The following COL11A2 variants were observed in gnomAD, a reference collection of about 807,000 sequenced individuals.
COL11A2 encodes the protein collagen type XI alpha 2 chain.
Under a neutral mutation model 273.4 loss-of-function variants are expected in COL11A2, and 116 were observed. The observed-to-expected ratio is 0.42, with a 90% CI of 0.36 to 0.49. The LOEUF (loss-of-function observed/expected upper bound fraction) is 0.49, where lower values mean the gene tolerates loss of function less well. Ranked by LOEUF, COL11A2 falls within the 20% of genes least tolerant of loss-of-function variation. The pLI, the probability that COL11A2 is intolerant of heterozygous loss-of-function variation, is 0.00. For missense variants in COL11A2, 1,866 were observed against 2,309.0 expected (o/e 0.81, Z 3.93); for synonymous variants, 782 against 864.2 (o/e 0.90, Z 1.67).
chr6:33,179,501 G>T lies in COL11A2; in HGVS notation c.1447-14C>A. 6.4e-7 allele frequency: 1 copy of T among 1,555,514 alleles called. No homozygotes were observed. The highest frequency in any genetic ancestry group is 2.4e-5 in the East Asian group (1 of 41,746). On this transcript the variant is annotated splice_polypyrimidine_tract_variant and intron_variant, in intron 13 of 65. Coordinates refer to ENST00000341947, the MANE Select transcript of COL11A2 (RefSeq NM_080680.3). This position sits in a 1 kb window ranked among gnomAD's most constrained non-coding sequence, Gnocchi z 6.4. ...ACGGAGCGCCAGCTAGGGGAGCAGG[G>T]GGACAGCAGAGCTGAGGGACAGGCA...
Position 33,163,439 on chromosome 6 carries a change from C to T in COL11A2, c.*239G>A. On this transcript the variant is annotated 3_prime_UTR_variant, in exon 66 of 66. Transcript: ENST00000341947. The surrounding 1 kb of genome is among the most constrained non-coding windows in gnomAD (Gnocchi z 4.1). ...TGAGTTTTAAATAAGGGTCTCAGCT[C>T]TCTAACGGGTAACAGGCTCCAGGTG... The T allele has an allele frequency of 1.7e-6, 1 of 605,292 alleles. No individual in the cohort carries two copies. The highest frequency in any genetic ancestry group is 3.0e-6 in the Non-Finnish European group (1 of 337,284). 37.5% of individuals were successfully genotyped at this position (605,292 alleles called of 1,614,324 possible).
At position 33,164,806 on chromosome 6, in the gene COL11A2, G is replaced by C. The variant is rs772313096; in HGVS notation, c.4863+46C>G. 5.3e-6 allele frequency: 8 copies of C among 1,501,676 alleles called. No individual in the cohort carries two copies. Among genetic ancestry groups the C allele is most frequent in the South Asian group, 1.2e-5 (1 of 82,678 alleles). 93.0% of individuals were successfully genotyped at this position (1,501,676 alleles called of 1,614,324 possible). On this transcript the variant is annotated intron_variant, in intron 64 of 65. Coordinates refer to ENST00000341947, the MANE Select transcript of COL11A2 (RefSeq NM_080680.3). This position sits in a 1 kb window ranked among gnomAD's most constrained non-coding sequence, Gnocchi z 4.7. ...CCCAGAAACCACTAAGCCCTGAGGG[G>C]GTGCACTATGGGGCAGGGGAGGGGC...
In COL11A2 at chr6:33,178,976, G is replaced by A. The variant is rs377304151; in HGVS notation, c.1612-3C>T. ...GCTCCATCAGCACCTGCCCGGCCCT[G>A]GGAGAACAAGGGAAGTGTCAGAACA... On this transcript the variant is annotated splice_region_variant and splice_polypyrimidine_tract_variant and intron_variant, in intron 16 of 65. Transcript: ENST00000341947. This position sits in a 1 kb window ranked among gnomAD's most constrained non-coding sequence, Gnocchi z 4.6. 1 of 1,614,036 alleles carries A rather than the reference G, an allele frequency of 6.2e-7. No individual in the cohort carries two copies. The highest frequency in any genetic ancestry group is 8.5e-7 in the Non-Finnish European group (1 of 1,180,020).
At chr6:33,168,348 C>T (rs1237810011) in intron 54 of COL11A2, among the ~76,000 whole-genome samples, 171 bp downstream of exon 54, 1 of 149,876 alleles carries the variant, frequency 6.7e-6, no homozygotes, top group Non-Finnish European at 1.5e-5. Context: ...CACCCTGCCC[C>T]GGGCAATGAG....
In COL11A2 at chr6:33,185,761, G is replaced by A. The variant is rs2150608437; in HGVS notation, c.816C>T (p.Tyr272=). The part of the protein sequence containing the change: ...EPQSQPTESL[Y]YDYEPPYYDV... ...CATAATAGGGGGGCTCGTAGTCATAGTAGAGAGACTCAGTGGGCTGGGATT... is the reference window on the plus strand; with the variant it reads ...CATAATAGGGGGGCTCGTAGTCATAATAGAGAGACTCAGTGGGCTGGGATT... The change falls in exon 6 of 66, where the codon TAC becomes TAT. Residue 272 remains tyrosine (Y), a synonymous_variant. Coordinates refer to ENST00000341947, the MANE Select transcript of COL11A2 (RefSeq NM_080680.3). 1 of 1,354,564 alleles carries A rather than the reference G, an allele frequency of 7.4e-7. No individual in the cohort carries two copies. The highest frequency in any genetic ancestry group is 1.1e-5 in the South Asian group (1 of 87,730). The allele number at this position is 1,354,564 out of a possible 1,614,324, so 83.9% of individuals were successfully genotyped here.
Position 33,176,554 on chromosome 6 carries a change from G to T in COL11A2, c.2116-68C>A. 6.8e-7 allele frequency: 1 copy of T among 1,470,836 alleles called. No homozygotes were observed. Among genetic ancestry groups the T allele is most frequent in the Non-Finnish European group, 9.5e-7 (1 of 1,053,708 alleles). 91.1% of individuals were successfully genotyped at this position (1,470,836 alleles called of 1,614,324 possible). ...GTCACTGTGGGGGCCTCCAGGGGTGGAAGAAATGGAAGTAACAACATTGCT... is the reference window on the plus strand; with the variant it reads ...GTCACTGTGGGGGCCTCCAGGGGTGTAAGAAATGGAAGTAACAACATTGCT... On this transcript the variant is annotated intron_variant, in intron 26 of 65. Coordinates refer to ENST00000341947, the MANE Select transcript of COL11A2 (RefSeq NM_080680.3). This position sits in a 1 kb window ranked among gnomAD's most constrained non-coding sequence, Gnocchi z 4.9.
At chr6:33,192,728 TCA>T (rs1773297723), upstream of COL11A2, among the ~76,000 whole-genome samples, 2 of 151,976 alleles carry the variant, frequency 1.3e-5, no homozygotes, top group Non-Finnish European at 2.9e-5. Context: ...AAACGTCCAG[TCA>T]CACACACTCC....
intron 11 of COL11A2, 70 bp from the exon 12 acceptor site, chr6:33,180,402 G>A (rs1771562870): frequency 6.0e-6 from 8 of 1,330,150 alleles, no homozygotes; most frequent in Non-Finnish European, 8.6e-6. Flanking sequence ...GCATGATTTT[G>A]AAATATCCTC....
In COL11A2 at chr6:33,189,395, T is replaced by C. The variant is rs1772828705; in HGVS notation, c.157A>G (p.Ile53Val). Residue 53 changes from isoleucine to valine, a missense_variant, in exon 2 of 66, where the codon ATC becomes GTC. Physicochemically the swap from Ile to Val is conservative, Grantham distance 29. Transcript: ENST00000341947. This position sits in a 1 kb window ranked among gnomAD's most constrained non-coding sequence, Gnocchi z 5.6. ...LPDGVRRAKGICPADVAYRVA... is the reference protein window; with the variant it reads ...LPDGVRRAKGVCPADVAYRVA... ...CGGTAGGCCACATCAGCTGGACAGA[T>C]GCCTTTCGCTCTCCGGACACCATCA... is the stretch of plus-strand genomic sequence containing the variant. 1 of 1,613,048 alleles carries C rather than the reference T, an allele frequency of 6.2e-7. No homozygotes were observed. The highest frequency in any genetic ancestry group is 2.2e-5 in the East Asian group (1 of 44,888).
chr6:33,173,391 C>T lies in COL11A2; in HGVS notation c.2693G>A (p.Gly898Glu), dbSNP rs727502941. The stretch of plus-strand genomic sequence containing the variant: ...TGGGTGTCCCGGCAGCCCATCCTTC[C>T]CAGGGGGGCCCTGGAAGGGGTTCAG... ...PGPKGPPGPP[G>E]KDGLPGHPGQ... The change falls in exon 37 of 66, where the codon GGG (glycine) becomes GAG (glutamate). Residue 898 changes from glycine to glutamate, a missense_variant. By Grantham distance (98) the Gly-to-Glu change is moderately conservative (BLOSUM62 -2). Coordinates refer to ENST00000341947, the MANE Select transcript of COL11A2 (RefSeq NM_080680.3). This position sits in a 1 kb window ranked among gnomAD's most constrained non-coding sequence, Gnocchi z 6.3. The T allele has an allele frequency of 2.5e-6, 4 of 1,612,980 alleles. No homozygotes were observed. The African/African-American group carries it at 4.0e-5, about 16-fold the overall frequency.
At position 33,177,719 on chromosome 6, in the gene COL11A2, A is replaced by T. The variant is rs748982204; in HGVS notation, c.1873-13T>A. 6.2e-7 allele frequency: 1 copy of T among 1,612,730 alleles called. No homozygotes were observed. The highest frequency in any genetic ancestry group is 8.5e-7 in the Non-Finnish European group (1 of 1,179,950). ...TGCCTCGGACGCCCTGAAACACAAG[A>T]TGGGTGTGAGCAGCCTGAAGGTGGC... On this transcript the variant is annotated splice_polypyrimidine_tract_variant and intron_variant, in intron 21 of 65. Transcript: ENST00000341947. This position sits in a 1 kb window ranked among gnomAD's most constrained non-coding sequence, Gnocchi z 5.9.
At position 33,168,961 on chromosome 6, in the gene COL11A2, G is replaced by A. The variant is rs1337938230; in HGVS notation, c.3846C>T (p.Gly1282=). The part of the protein sequence containing the change: ...PGDPGPPGEG[G]PRGQDGAKGD... Reference sequence around the variant, plus strand: ...TTCTCTGAGTAAGACTCACCCGAGGGCCACCTTCTCCAGGGGGGCCAGGGT... The same window carrying A: ...TTCTCTGAGTAAGACTCACCCGAGGACCACCTTCTCCAGGGGGGCCAGGGT... The change falls in exon 52 of 66, where the codon GGC becomes GGT. Residue 1282 remains glycine (G), a synonymous_variant. Transcript: ENST00000341947. The A allele has an allele frequency of 6.2e-7, 1 of 1,609,716 alleles. No homozygotes were observed. The highest frequency in any genetic ancestry group is 8.5e-7 in the Non-Finnish European group (1 of 1,178,290).
At chr6:33,193,151 C>T (rs1773371340), upstream of COL11A2, among the ~76,000 whole-genome samples, 1 of 152,128 alleles carries the variant, frequency 6.6e-6, no homozygotes, top group Non-Finnish European at 1.5e-5. Context: ...TGGAAGGGTC[C>T]AGGGAAATGG....
chr6:33,189,351 C>A lies in COL11A2; in HGVS notation c.201G>T (p.Gln67His), dbSNP rs1190532953. 3 of 1,613,538 alleles carry A rather than the reference C, an allele frequency of 1.9e-6. No homozygotes were observed. The highest frequency in any genetic ancestry group is 2.5e-6 in the Non-Finnish European group (3 of 1,180,032). ...DVAYRVARPAQLSAPTRQLFP... is the reference protein window; with the variant it reads ...DVAYRVARPAHLSAPTRQLFP... ...AAAGCTGGCGAGTGGGTGCACTGAG[C>A]TGGGCAGGTCGTGCCACTCGGTAGG... Residue 67 changes from glutamine (Q) to histidine (H), a missense_variant, in exon 2 of 66, where the codon CAG becomes CAT. By Grantham distance (24) the Gln-to-His change is conservative. Coordinates refer to ENST00000341947, the MANE Select transcript of COL11A2 (RefSeq NM_080680.3). The surrounding 1 kb of genome is among the most constrained non-coding windows in gnomAD (Gnocchi z 5.6).
chr6:33,184,479 T>C, intron 7 of COL11A2, among the ~76,000 whole-genome samples, 155 bp from the exon 8 acceptor site: 1 of 152,020 alleles, frequency 6.6e-6, no homozygotes, highest in East Asian at 1.9e-4. Context: ...TGGGAGTGGT[T>C]GTATATAAAT....
intron 54 of COL11A2, among the ~76,000 whole-genome samples, chr6:33,168,063 C>T (rs956919200): frequency 6.6e-6 from 1 of 152,122 alleles, no homozygotes; most frequent in Non-Finnish European, 1.5e-5. Flanking sequence ...TGGTGAAGGG[C>T]CACTTGCCCA....
At chr6:33,192,651 C>G (rs952362476), upstream of COL11A2, among the ~76,000 whole-genome samples, 2 of 152,164 alleles carry the variant, frequency 1.3e-5, no homozygotes, top group African/African-American at 4.8e-5. Context: ...TCTCAACGGC[C>G]TGTACCCTAA....
Position 33,176,516 on chromosome 6 carries a change from G to C in COL11A2, c.2116-30C>G. 6.2e-7 allele frequency: 1 copy of C among 1,600,196 alleles called. No homozygotes were observed. The highest frequency in any genetic ancestry group is 8.6e-7 in the Non-Finnish European group (1 of 1,168,614). ...AAGATAAAAGAGAGGCATTTATAAA[G>C]GGGCCTCAGAGTGTCACTGTGGGGG... is the stretch of plus-strand genomic sequence containing the variant. On this transcript the variant is annotated intron_variant, in intron 26 of 65. Transcript: ENST00000341947. This position sits in a 1 kb window ranked among gnomAD's most constrained non-coding sequence, Gnocchi z 4.9.
At chr6:33,186,040 A>G (rs1247008211) in intron 5 of COL11A2, among the ~76,000 whole-genome samples, 3 of 151,862 alleles carry the variant, frequency 2.0e-5, no homozygotes, top group Non-Finnish European at 4.4e-5. Flanking sequence ...TCTTTAGACC[A>G]CTGACCCCAG....
Sources: gnomAD v4.1 joint callset for allele counts (sites outside exome capture counted in the v4.1 genomes callset) on GRCh38, gnomAD v4.1.1 for gene constraint, Gnocchi (gnomAD v3.1) non-coding constraint, MANE v1.5 for transcripts, NCBI Gene and HGNC (gene_info 2026-07-23, HGNC 2026-07-21) for gene names.